TGM3: variants seen among roughly 807,000 people sequenced by gnomAD.
TGM3 encodes transglutaminase 3, also known as protein-glutamine gamma-glutamyltransferase E.
In TGM3, 52 loss-of-function variants were observed where a neutral mutation model predicts 73.8. The ratio of observed to expected loss-of-function variants is 0.70; its 90% CI spans 0.56 to 0.89. The LOEUF is 0.89. Among genes scored for constraint, TGM3 ranks in the 40% least tolerant of loss-of-function variants. TGM3 has a pLI of 0.00. For missense variants in TGM3, 928 were observed against 909.9 expected (o/e 1.02, Z -0.26); for synonymous variants, 372 against 354.9 (o/e 1.05, Z -0.54).
chr20:2,328,036 G>T lies in TGM3; in HGVS notation c.1088-84G>T, dbSNP rs887838140. The T allele has an allele frequency of 1.3e-5, 21 of 1,580,726 alleles. No homozygotes were observed. The highest frequency in any genetic ancestry group is 1.7e-4 in the Middle Eastern group (1 of 5,946). On this transcript the variant is annotated intron_variant, in intron 8 of 12. Coordinates refer to ENST00000381458, the MANE Select transcript of TGM3 (RefSeq NM_003245.4). This position sits in a 1 kb window ranked among gnomAD's most constrained non-coding sequence, Gnocchi z 5.2. The stretch of plus-strand genomic sequence containing the variant: ...GGCGGGGCAGAGGCAGGGGGTTGCA[G>T]TGGTCCTGGAAGGCCCTGGGGAATC...
chr20:2,340,740 C>A lies in TGM3; in HGVS notation c.*159C>A. 2.1e-6 allele frequency: 2 copies of A among 955,844 alleles called. No individual in the cohort carries two copies. The highest frequency in any genetic ancestry group is 2.9e-5 in the South Asian group (2 of 69,540). The allele number at this position is 955,844 out of a possible 1,614,324, so 59.2% of individuals were successfully genotyped here. The stretch of plus-strand genomic sequence containing the variant: ...CCAGGCTCCAGCACATCCCCCTCTC[C>A]TCTCCCCCAGGTTGGGGCTGGGTCC... On this transcript the variant is annotated 3_prime_UTR_variant, in exon 13 of 13. Coordinates refer to ENST00000381458, the MANE Select transcript of TGM3 (RefSeq NM_003245.4).
In TGM3 at chr20:2,309,786, A is replaced by G; in HGVS notation, c.137A>G (p.Lys46Arg). The G allele has an allele frequency of 1.7e-5, 28 of 1,614,212 alleles. No individual in the cohort carries two copies. The highest frequency in any genetic ancestry group is 2.4e-5 in the Non-Finnish European group (28 of 1,180,026). ...TTCCAGGTCTTAATGATCATGAACAAAGGCCTTGGCTCTAACGAAAGACTG... is the reference window on the plus strand; with the variant it reads ...TTCCAGGTCTTAATGATCATGAACAGAGGCCTTGGCTCTAACGAAAGACTG... ...QNFQVLMIMN[K>R]GLGSNERLEF... The change falls in exon 2 of 13, where the codon AAA (lysine) becomes AGA (arginine). Residue 46 changes from lysine to arginine, a missense_variant. Coordinates refer to ENST00000381458, the MANE Select transcript of TGM3 (RefSeq NM_003245.4).
intron 4 of TGM3, among the ~76,000 whole-genome samples, chr20:2,311,664 G>A (rs1041308373): frequency 5.9e-5 from 9 of 152,114 alleles, no homozygotes; most frequent in African/African-American, 1.9e-4. Flanking sequence ...CCAGACAAAG[G>A]CATTAGAATA....
At chr20:2,317,511 C>A (rs753583774) in intron 7 of TGM3, 26 bp downstream of exon 7, 4 of 1,612,836 alleles carry the variant, frequency 2.5e-6, no homozygotes, top group Non-Finnish European at 3.4e-6. Context: ...TTTCCCTGAA[C>A]TTCGAGCACC....
intron 9 of TGM3, among the ~76,000 whole-genome samples, chr20:2,329,714 C>T (rs2084309193): frequency 6.6e-6 from 1 of 152,162 alleles, no homozygotes. Context: ...TGACCTCGAG[C>T]AAGTTTCCTC....
At chr20:2,329,713 G>A (rs183436085) in intron 9 of TGM3, among the ~76,000 whole-genome samples, 72 of 152,278 alleles carry the variant, frequency 4.7e-4, no homozygotes, top group African/African-American at 1.6e-3. Flanking sequence ...GTGACCTCGA[G>A]CAAGTTTCCT....
chr20:2,334,714 C>G lies in TGM3; in HGVS notation c.1643-402C>G, dbSNP rs554260954. ...ATCCCAACACTTTGGGAGGCCAAGG[C>G]GGGAGGATCCCTTGAGTCCAGGAGT... On this transcript the variant is annotated intron_variant, in intron 10 of 12. Transcript: ENST00000381458. The surrounding 1 kb of genome is among the most constrained non-coding windows in gnomAD (Gnocchi z 4.0). Among the ~76,000 whole-genome samples, 1 of 152,222 alleles carries G rather than the reference C, an allele frequency of 6.6e-6. No individual in the cohort carries two copies. Among genetic ancestry groups the G allele is most frequent in the South Asian group, 2.1e-4 (1 of 4,824 alleles).
In TGM3 at chr20:2,296,079, A is replaced by C. The variant is rs1436264158; in HGVS notation, c.7+9A>C. 5 of 1,550,558 alleles carry C rather than the reference A, an allele frequency of 3.2e-6. No individual in the cohort carries two copies. The highest frequency in any genetic ancestry group is 4.4e-6 in the Non-Finnish European group (5 of 1,146,906). On this transcript the variant is annotated intron_variant, in intron 1 of 12. Coordinates refer to ENST00000381458, the MANE Select transcript of TGM3 (RefSeq NM_003245.4). Reference sequence around the variant, plus strand: ...AAGGCGAAACATGGCTGGTGAGTGCATGGCATCTTCTCCATCAGGTCCTTG... The same window carrying C: ...AAGGCGAAACATGGCTGGTGAGTGCCTGGCATCTTCTCCATCAGGTCCTTG...
At chr20:2,301,946 C>G (rs896423687) in intron 1 of TGM3, among the ~76,000 whole-genome samples, 7 of 152,256 alleles carry the variant, frequency 4.6e-5, no homozygotes, top group African/African-American at 9.6e-5. Context: ...GGTGATCTTC[C>G]TGCCTCGGCC....
chr20:2,327,632 A>G (rs985168142), intron 8 of TGM3, among the ~76,000 whole-genome samples: 8 of 152,182 alleles, frequency 5.3e-5, no homozygotes, highest in African/African-American at 1.7e-4. Flanking sequence ...ACATCTATCT[A>G]TCTATCTATC....
intron 5 of TGM3, 148 bp downstream of exon 5, chr20:2,313,174 T>C (rs1600696898): frequency 8.2e-7 from 1 of 1,213,170 alleles, no homozygotes; most frequent in East Asian, 2.6e-5. Flanking sequence ...TTTTACTAAC[T>C]TGGAGCACAA....
In TGM3 at chr20:2,335,184, C is replaced by T. The variant is rs781217795; in HGVS notation, c.1711C>T (p.Arg571Trp). ...EKYLKSDNMI[R>W]ITAVCKVPDE... is the part of the protein sequence containing the mutation. ...GTACCTGAAGTCAGACAACATGATCCGGATCACAGCGGTGTGCAAGGTCCC... is the reference window on the plus strand; with the variant it reads ...GTACCTGAAGTCAGACAACATGATCTGGATCACAGCGGTGTGCAAGGTCCC... The change falls in exon 11 of 13, where the codon CGG becomes TGG. Residue 571 changes from arginine to tryptophan, a missense_variant. By Grantham distance (101) the Arg-to-Trp change is moderately radical. Transcript: ENST00000381458. 29 of 1,614,080 alleles carry T rather than the reference C, an allele frequency of 1.8e-5. No homozygotes were observed. The highest frequency in any genetic ancestry group is 6.7e-5 in the African/African-American group (5 of 74,926).
chr20:2,327,623 CATCT>C (rs758616641), intron 8 of TGM3, among the ~76,000 whole-genome samples: 12 of 152,152 alleles, frequency 7.9e-5, no homozygotes, highest in Admixed American at 2.0e-4. Flanking sequence ...AAGTCACTGA[CATCT>C]ATCTATCTAT....
In TGM3 at chr20:2,311,080, T is replaced by C. The variant is rs771341510; in HGVS notation, c.491T>C (p.Phe164Ser). Residue 164 changes from phenylalanine (F) to serine (S), a missense_variant, in exon 4 of 13, where the codon TTT (phenylalanine) becomes TCT (serine). Transcript: ENST00000381458. ...GTTCAGGAAGATGCCGGCATCATCT[T>C]TGTGGGAAGCACAAACCGAATTGGC... ...EYVQEDAGIIFVGSTNRIGMI... is the reference protein window; with the variant it reads ...EYVQEDAGIISVGSTNRIGMI... The C allele has an allele frequency of 7.4e-6, 12 of 1,614,016 alleles. No individual in the cohort carries two copies. The highest frequency in any genetic ancestry group is 1.1e-5 in the South Asian group (1 of 91,074).
rs16983510 is a variant in TGM3 at position 2,304,128 on chromosome 20, C to A, written c.8-5529C>A. Among the ~76,000 whole-genome samples the A allele has an allele frequency of 8.6e-3, 1,303 of 152,248 alleles. 24 individuals are homozygous for A. The highest frequency in any genetic ancestry group is 0.029 in the African/African-American group (1,223 of 41,542). ...CGTAAATATACAAAAAGCTGTAAAC[C>A]TGAGAACCTTAGACAGCTGAGTACC... On this transcript the variant is annotated intron_variant, in intron 1 of 12. Transcript: ENST00000381458.
At chr20:2,312,396 CAAAAAAAAAA>C (rs57369938) in intron 4 of TGM3, among the ~76,000 whole-genome samples, 2 of 60,478 alleles carry the variant, frequency 3.3e-5, no homozygotes, top group Non-Finnish European at 2.9e-5. Flanking sequence ...GACTCCGTCT[CAAAAAAAAAA>C]AAAAAAAAAA....
intron 2 of TGM3, 36 bp downstream of exon 2, chr20:2,309,866 C>A (rs1203946230): frequency 1.2e-6 from 2 of 1,612,548 alleles, no homozygotes; most frequent in Admixed American, 1.7e-5. Context: ...CAAACACACA[C>A]ATACTTGAGT....
chr20:2,329,570 C>T (rs214820), intron 9 of TGM3, among the ~76,000 whole-genome samples: 119,217 of 151,992 alleles, frequency 0.78, 49,831 homozygotes, highest in Non-Finnish European at 0.92. Flanking sequence ...GAGGACACTG[C>T]AGATGGGCTG....
chr20:2,298,726 C>A (rs1238726945), intron 1 of TGM3, among the ~76,000 whole-genome samples: 1 of 152,194 alleles, frequency 6.6e-6, no homozygotes, highest in Non-Finnish European at 1.5e-5. Context: ...GGGTTCTGGC[C>A]TCCTTCTCTT....
Sources: allele counts gnomAD v4.1 joint callset (sites outside exome capture counted in the v4.1 genomes callset), GRCh38; gene constraint gnomAD v4.1.1; non-coding constraint Gnocchi (gnomAD v3.1); transcripts MANE v1.5; gene names NCBI Gene and HGNC (gene_info 2026-07-23, HGNC 2026-07-21).